The following JAK2 variants were observed in gnomAD, a reference collection of about 807,000 sequenced individuals.
JAK2 encodes the protein Janus kinase 2, also known as tyrosine-protein kinase JAK2.
JAK2 carries 86 observed loss-of-function variants against 139.3 expected under a neutral mutation model. The ratio of observed to expected loss-of-function variants is 0.62; its 90% confidence interval spans 0.52 to 0.74. JAK2 has a LOEUF of 0.74. Among genes scored for constraint, JAK2 ranks in the 30% least tolerant of loss-of-function variants. The probability of loss-of-function intolerance (pLI) is 0.00; values close to 1 mark genes in which losing one functional copy is unlikely to be tolerated. For synonymous variants in JAK2, 490 were observed against 437.7 expected (o/e 1.12, Z -1.49); for missense variants, 1,421 against 1,360.3 (o/e 1.04, Z -0.70).
At chr9:5,063,684 G>A (rs771336372) in intron 8 of JAK2, among the ~76,000 whole-genome samples, 2 of 152,114 alleles carry the variant, frequency 1.3e-5, no homozygotes, top group African/African-American at 2.4e-5. Flanking sequence ...TAAATAAAAA[G>A]TTGCATAAGA....
At chr9:5,115,904 T>C (rs932083989) in intron 22 of JAK2, among the ~76,000 whole-genome samples, 1 of 151,924 alleles carries the variant, frequency 6.6e-6, no homozygotes, top group Non-Finnish European at 1.5e-5. Context: ...CCAGGGCCTG[T>C]TGTTGGGTGG....
chr9:5,055,674 A>G lies in JAK2; in HGVS notation c.942A>G (p.Leu314=). 6.4e-7 allele frequency: 1 copy of G among 1,569,178 alleles called. No homozygotes were observed. The highest frequency in any genetic ancestry group is 8.7e-7 in the Non-Finnish European group (1 of 1,143,626). ...TTACATGCTTTTAATTATAGGATTT[A>G]CAGTTATATTGCGATTTTCCTAATA... ...KESETLTEQD[L]QLYCDFPNII... is the part of the protein sequence containing the mutation. The change falls in exon 8 of 25, where the codon TTA becomes TTG. Residue 314 remains leucine (L), a synonymous_variant. Transcript: ENST00000381652.
chr9:4,997,918 AT>A lies in JAK2; in HGVS notation c.-26+11905del, dbSNP rs574801066. 9.8e-3 allele frequency among the ~76,000 whole-genome samples: 1,486 copies of A among 151,410 alleles called. 22 individuals are homozygous for A. Among genetic ancestry groups the A allele is most frequent in the African/African-American group, 0.034 (1,402 of 41,282 alleles). On this transcript the variant is annotated intron_variant, in intron 2 of 24. Coordinates refer to ENST00000381652, the MANE Select transcript of JAK2 (RefSeq NM_004972.4). ...TTCCTTGTTTATCCATAGGTGCTTA[AT>A]TTTTTTTTAATCTGAATGCATTATG... is the stretch of plus-strand genomic sequence containing the variant.
rs569230287 is a variant in JAK2 at position 5,069,973 on chromosome 9, C to T, written c.1562C>T (p.Pro521Leu). The T allele has an allele frequency of 1.0e-5, 16 of 1,605,724 alleles. No homozygotes were observed. The South Asian group carries it at 1.8e-4, about 18-fold the overall frequency. Residue 521 changes from proline (P) to leucine (L), a missense_variant, in exon 12 of 25, where the codon CCA (proline) becomes CTA (leucine). Physicochemically the swap from Pro to Leu is moderately conservative, Grantham distance 98. Transcript: ENST00000381652. ...AGAACGAATGGTGTTTCTGATGTAC[C>T]AACCTCACCAACATTACAGAGGCCT... ...VFRTNGVSDV[P>L]TSPTLQRPTH...
chr9:5,088,125 A>G (rs932699148), intron 19 of JAK2, among the ~76,000 whole-genome samples: 1 of 152,174 alleles, frequency 6.6e-6, no homozygotes, highest in Non-Finnish European at 1.5e-5. Context: ...CACTTTAAGG[A>G]TGAAAAACCT....
chr9:5,068,467 T>G (rs962388102), intron 10 of JAK2, among the ~76,000 whole-genome samples: 1 of 152,216 alleles, frequency 6.6e-6, no homozygotes, highest in African/African-American at 2.4e-5. Flanking sequence ...GAGGACCTCT[T>G]AGAAACAGTG....
At chr9:5,063,732 C>A (rs1475361785) in intron 8 of JAK2, among the ~76,000 whole-genome samples, 1 of 152,066 alleles carries the variant, frequency 6.6e-6, no homozygotes, top group Non-Finnish European at 1.5e-5. Flanking sequence ...ATATTGCATC[C>A]TCTTTGTTAC....
At chr9:5,029,438 T>C (rs959574906) in intron 3 of JAK2, among the ~76,000 whole-genome samples, 2 of 152,170 alleles carry the variant, frequency 1.3e-5, no homozygotes, top group African/African-American at 4.8e-5. Context: ...ATTACCAAAA[T>C]GTGACATAGG....
intron 18 of JAK2, 38 bp downstream of exon 18, chr9:5,080,721 C>T: frequency 6.9e-7 from 1 of 1,443,264 alleles, no homozygotes; most frequent in Non-Finnish European, 9.3e-7. Context: ...TTCCAGCTTT[C>T]TATCTTTATT....
At position 5,129,614 on chromosome 9, in the gene JAK2, A is replaced by T. The variant is rs1315933557; in HGVS notation, c.*2823A>T. On this transcript the variant is annotated 3_prime_UTR_variant, in exon 25 of 25. Transcript: ENST00000381652. ...TCCAAACAAAAGACTAGGTTTTATG[A>T]GATAAGCTTGATTTAAGAAAAAAAC... Among the ~76,000 whole-genome samples, 1 of 152,134 alleles carries T rather than the reference A, an allele frequency of 6.6e-6. No individual in the cohort carries two copies. Among genetic ancestry groups the T allele is most frequent in the Non-Finnish European group, 1.5e-5 (1 of 67,986 alleles).
chr9:5,111,898 C>T (rs1822596899), intron 22 of JAK2: 1 of 355,618 alleles, frequency 2.8e-6, no homozygotes, highest in Non-Finnish European at 5.5e-6. Context: ...TGGGGACGCC[C>T]TCGGGAAGGC....
chr9:5,124,478 C>T (rs1033414086), intron 23 of JAK2, among the ~76,000 whole-genome samples: 1 of 151,666 alleles, frequency 6.6e-6, no homozygotes, highest in African/African-American at 2.4e-5. Flanking sequence ...CTTTCCCATA[C>T]TGCGCAAAGC....
At chr9:5,015,430 C>T (rs979270506) in intron 2 of JAK2, among the ~76,000 whole-genome samples, 2 of 152,122 alleles carry the variant, frequency 1.3e-5, no homozygotes, top group Non-Finnish European at 2.9e-5. Context: ...GACATATGCA[C>T]AAATGGTACA....
intron 2 of JAK2, among the ~76,000 whole-genome samples, chr9:4,987,884 C>G (rs1490365218): frequency 6.6e-6 from 1 of 152,120 alleles, no homozygotes; most frequent in African/African-American, 2.4e-5. Flanking sequence ...GCTACTATCA[C>G]GGCTGGGAGG....
intron 2 of JAK2, among the ~76,000 whole-genome samples, chr9:4,992,195 G>A (rs1277264561): frequency 6.6e-6 from 1 of 152,144 alleles, no homozygotes; most frequent in Non-Finnish European, 1.5e-5. Context: ...CTCTTGACTG[G>A]GATGTTAGCT....
chr9:5,063,940 T>G (rs761846917), intron 8 of JAK2, among the ~76,000 whole-genome samples: 14 of 152,176 alleles, frequency 9.2e-5, no homozygotes, highest in Non-Finnish European at 1.8e-4. Flanking sequence ...GGCGGATCAT[T>G]AGGTCAGGAA....
At chr9:5,037,354 TG>T (rs1264994552) in intron 4 of JAK2, among the ~76,000 whole-genome samples, 1 of 152,212 alleles carries the variant, frequency 6.6e-6, no homozygotes, top group African/African-American at 2.4e-5. Context: ...ATCCCATTAC[TG>T]GGTATATACC....
chr9:5,053,612 C>G (rs966389033), intron 6 of JAK2, among the ~76,000 whole-genome samples: 19 of 152,022 alleles, frequency 1.2e-4, no homozygotes, highest in Admixed American at 1.0e-3. Context: ...AGAAGCCAAA[C>G]TGGAATGAGT....
chr9:5,067,882 G>A (rs999222318), intron 10 of JAK2, among the ~76,000 whole-genome samples: 1 of 152,096 alleles, frequency 6.6e-6, no homozygotes, highest in African/African-American at 2.4e-5. Flanking sequence ...AGCCAGGTGT[G>A]GTGGCTCACA....
Sources: allele counts gnomAD v4.1 joint callset (sites outside exome capture counted in the v4.1 genomes callset), GRCh38; gene constraint gnomAD v4.1.1; transcripts MANE v1.5; gene names NCBI Gene and HGNC (gene_info 2026-07-23, HGNC 2026-07-21).